Variants in ZFHX3 observed in about 807,000 individuals in gnomAD.
ZFHX3 encodes the protein zinc finger homeobox 3, also known as zinc finger homeobox protein 3.
A neutral mutation model predicts 279.1 loss-of-function variants in ZFHX3; 42 were observed. The observed-to-expected ratio is 0.15, with a 90% CI of 0.12 to 0.19. The LOEUF is 0.19. Among genes scored for constraint, ZFHX3 ranks in the 10% least tolerant of loss-of-function variants. ZFHX3 has a pLI of 1.00. For synonymous variants in ZFHX3, 2,293 were observed against 1,957.8 expected (o/e 1.17, Z -4.52); for missense variants, 4,981 against 4,754.0 (o/e 1.05, Z -1.40).
intron 2 of ZFHX3, among the ~76,000 whole-genome samples, chr16:73,498,890 C>A (rs1452816112): frequency 6.6e-6 from 1 of 152,120 alleles, no homozygotes; most frequent in Admixed American, 6.5e-5. Flanking sequence ...GGAGTGAGTG[C>A]TTCGGTTCTG....
chr16:73,596,397 C>G (rs937557721), intron 2 of ZFHX3, among the ~76,000 whole-genome samples: 7 of 152,100 alleles, frequency 4.6e-5, no homozygotes, highest in Non-Finnish European at 2.9e-5. Context: ...TCTGTCATTG[C>G]CTCCAGGGTG....
chr16:73,080,633 G>A (rs1472413536), intron 8 of ZFHX3, among the ~76,000 whole-genome samples: 1 of 152,004 alleles, frequency 6.6e-6, no homozygotes, highest in African/African-American at 2.4e-5. Context: ...GAGTACAGTA[G>A]TATGATCAGA....
chr16:73,398,123 G>T (rs2143419758), intron 3 of ZFHX3, among the ~76,000 whole-genome samples: 1 of 152,342 alleles, frequency 6.6e-6, no homozygotes, highest in South Asian at 2.1e-4. Flanking sequence ...GGGATTACAG[G>T]CGTGAGCCAC....
chr16:72,887,016 C>G (rs900891144), intron 4 of ZFHX3, among the ~76,000 whole-genome samples: 5 of 152,216 alleles, frequency 3.3e-5, no homozygotes, highest in African/African-American at 9.6e-5. Context: ...CAAAAATTAT[C>G]CCGGTACCCA....
At chr16:73,731,728 G>A (rs2053571504) in intron 1 of ZFHX3, among the ~76,000 whole-genome samples, 1 of 152,064 alleles carries the variant, frequency 6.6e-6, no homozygotes, top group African/African-American at 2.4e-5. Flanking sequence ...ATGCAAATGG[G>A]ACATTATGTT....
intron 1 of ZFHX3, among the ~76,000 whole-genome samples, chr16:73,817,417 C>G (rs1020174015): frequency 6.6e-6 from 1 of 152,286 alleles, no homozygotes; most frequent in Non-Finnish European, 1.5e-5. Context: ...TCCTGCAAAC[C>G]TTTTCAAAGA....
intron 5 of ZFHX3, among the ~76,000 whole-genome samples, chr16:73,168,353 CT>C (rs1192762945): frequency 1.3e-5 from 2 of 151,690 alleles, no homozygotes; most frequent in African/African-American, 4.9e-5. Context: ...ACTTGAACTC[CT>C]GGACTCAAGA....
chr16:73,714,416 G>A (rs74469465), intron 1 of ZFHX3, among the ~76,000 whole-genome samples: 3,425 of 152,238 alleles, frequency 0.022, 44 homozygotes, highest in East Asian at 0.033. Context: ...CTCAACTTCA[G>A]ATGCTTTCTC....
intron 4 of ZFHX3, among the ~76,000 whole-genome samples, chr16:72,874,222 T>C (rs2038245206): frequency 1.1e-5 from 1 of 92,496 alleles, no homozygotes; most frequent in South Asian, 3.4e-4. Context: ...TTTTTTTTTT[T>C]TTTTGAGACA....
chr16:73,544,740 C>G (rs2020080722), intron 2 of ZFHX3, among the ~76,000 whole-genome samples: 1 of 151,996 alleles, frequency 6.6e-6, no homozygotes, highest in Non-Finnish European at 1.5e-5. Context: ...CAGAAGAATG[C>G]CAGGTAAAGG....
chr16:73,581,360 T>G (rs1385252454), intron 2 of ZFHX3, among the ~76,000 whole-genome samples: 1 of 151,904 alleles, frequency 6.6e-6, no homozygotes, highest in Admixed American at 6.6e-5. Flanking sequence ...ATAGCAGTTG[T>G]AAACAAAACT....
intron 3 of ZFHX3, among the ~76,000 whole-genome samples, chr16:72,897,254 C>T (rs1200494388): frequency 2.0e-5 from 3 of 152,166 alleles, no homozygotes; most frequent in African/African-American, 7.2e-5. Flanking sequence ...TTCAGCTTCT[C>T]GCTTCAGGGA....
At chr16:73,283,864 A>G (rs1322514328) in intron 4 of ZFHX3, among the ~76,000 whole-genome samples, 1 of 152,162 alleles carries the variant, frequency 6.6e-6, no homozygotes, top group Admixed American at 6.6e-5. Flanking sequence ...CAGGAGGCTC[A>G]CTTGAGCCCA....
At position 73,047,954 on chromosome 16, in the gene ZFHX3, G is replaced by C. The variant is rs1394461323; in HGVS notation, c.-252C>G. 1 of 152,400 alleles carries C rather than the reference G, an allele frequency of 6.6e-6. No homozygotes were observed. The highest frequency in any genetic ancestry group is 1.5e-5 in the Non-Finnish European group (1 of 68,232). 9.4% of individuals were successfully genotyped at this position (152,400 alleles called of 1,614,324 possible). A position where few individuals can be genotyped will look rare whatever the true frequency, so the allele number is the denominator to read the frequency against. On this transcript the variant is annotated 5_prime_UTR_variant, in exon 1 of 10. Transcript: ENST00000268489. Reference sequence around the variant, plus strand: ...AGGAGCAGGGGGCCCGGAGACAGGGGAGGGGAGCTCATGGTGGCGGCAGGG... The same window carrying C: ...AGGAGCAGGGGGCCCGGAGACAGGGCAGGGGAGCTCATGGTGGCGGCAGGG...
intron 4 of ZFHX3, among the ~76,000 whole-genome samples, chr16:73,282,571 CTT>C (rs2014484327): frequency 6.6e-6 from 1 of 152,072 alleles, no homozygotes; most frequent in Non-Finnish European, 1.5e-5. Context: ...GTTGCTTTGT[CTT>C]TTGTTTTCTG....
intron 2 of ZFHX3, among the ~76,000 whole-genome samples, chr16:73,546,833 G>T (rs1411973886): frequency 6.6e-6 from 1 of 151,774 alleles, no homozygotes; most frequent in South Asian, 2.1e-4. Context: ...GGTGAGGGGG[G>T]AGGGAGGCAG....
rs1023830327 is a variant in ZFHX3 at position 73,343,560 on chromosome 16, C to G, written c.-1290-25224G>C. ...GGCAACATGGCAAGACCCCATCTCT[C>G]TAAAACATTTAAGAAGTTAGCTGGG... On this transcript the variant is annotated intron_variant, in intron 3 of 17. Coordinates refer to the ZFHX3 transcript ENST00000641206. 2.0e-5 allele frequency among the ~76,000 whole-genome samples: 3 copies of G among 152,080 alleles called. No individual in the cohort carries two copies. The East Asian group carries it at 5.8e-4, about 29-fold the overall frequency.
At chr16:73,296,069 CGTGTGTGTGTGTGTGT>C (rs58283675) in intron 4 of ZFHX3, among the ~76,000 whole-genome samples, 6 of 148,974 alleles carry the variant, frequency 4.0e-5, no homozygotes, top group Non-Finnish European at 8.9e-5. Flanking sequence ...ATTACAATCC[CGTGTGTGTGTGTGTGT>C]GTGTGTGTGT....
At chr16:73,859,928 G>A (rs1961836726) in intron 1 of ZFHX3, among the ~76,000 whole-genome samples, 1 of 152,162 alleles carries the variant, frequency 6.6e-6, no homozygotes, top group African/African-American at 2.4e-5. Flanking sequence ...TCATGCAGCA[G>A]GGGCGGCCTG....
Sources: gnomAD v4.1 joint callset for allele counts (sites outside exome capture counted in the v4.1 genomes callset) on GRCh38, gnomAD v4.1.1 for gene constraint, MANE v1.5 for transcripts, NCBI Gene and HGNC (gene_info 2026-07-23, HGNC 2026-07-21) for gene names.